PTPN12: variants seen among roughly 807,000 people sequenced by gnomAD.
PTPN12 encodes the protein protein tyrosine phosphatase non-receptor type 12.
PTPN12 carries 29 observed loss-of-function variants against 97.6 expected under a neutral mutation model. The observed-to-expected ratio is 0.30, with a 90% confidence interval of 0.22 to 0.41. The LOEUF is 0.41. Ranked by LOEUF, PTPN12 falls within the 10% of genes least tolerant of loss-of-function variation. The pLI is 1.00. For synonymous variants in PTPN12, 327 were observed against 300.4 expected, an observed-to-expected ratio of 1.09 and a Z score of -0.91; for missense variants, 819 against 926.0, an observed-to-expected ratio of 0.88 and a Z score of 1.50.
In PTPN12 at chr7:77,619,097, A is replaced by G. The variant is rs964368104; in HGVS notation, c.1025+532A>G. 5.9e-5 allele frequency among the ~76,000 whole-genome samples: 9 copies of G among 152,194 alleles called. 1 individual carries two copies. Among genetic ancestry groups the G allele is most frequent in the Admixed American group, 5.2e-4 (8 of 15,268 alleles). On this transcript the variant is annotated intron_variant, in intron 12 of 17. Coordinates refer to ENST00000248594, the MANE Select transcript of PTPN12 (RefSeq NM_002835.4). ...GGTAGTATGGAGAGAATACAGAGGCAGAAGAAGATAGTTTCAACTCCTTTT... is the reference window on the plus strand; with the variant it reads ...GGTAGTATGGAGAGAATACAGAGGCGGAAGAAGATAGTTTCAACTCCTTTT...
Position 77,627,300 on chromosome 7 carries a change from C to A in PTPN12, c.1621C>A (p.Pro541Thr). The A allele has an allele frequency of 6.2e-7, 1 of 1,614,138 alleles. No individual in the cohort carries two copies. Among genetic ancestry groups the A allele is most frequent in the Non-Finnish European group, 8.5e-7 (1 of 1,180,020 alleles). The change falls in exon 13 of 18, where the codon CCT (proline) becomes ACT (threonine). Residue 541 changes from proline (P) to threonine (T), a missense_variant. Physicochemically the swap from Pro to Thr is conservative, Grantham distance 38 (BLOSUM62 -1). Around this residue, in one of 5 missense-constraint regions of PTPN12, gnomAD observed 607 missense variants for 577.3 expected, o/e 1.05. Transcript: ENST00000248594. ...KGHVTWSFHGPENAIPIPDLS... is the reference protein window; with the variant it reads ...KGHVTWSFHGTENAIPIPDLS... ...ACATGTAACGTGGTCATTTCATGGA[C>A]CTGAAAATGCCATACCCATACCTGA...
At chr7:77,587,924 C>G (rs924306046) in intron 5 of PTPN12, among the ~76,000 whole-genome samples, 2 of 152,200 alleles carry the variant, frequency 1.3e-5, no homozygotes, top group African/African-American at 4.8e-5. Flanking sequence ...TTCTAACTTT[C>G]CTTCTGCAGC....
intron 2 of PTPN12, among the ~76,000 whole-genome samples, chr7:77,578,540 A>C (rs1024472830): frequency 1.3e-5 from 2 of 152,222 alleles, no homozygotes; most frequent in African/African-American, 4.8e-5. Context: ...AGACTTTTTT[A>C]AAAGTAAATT....
At chr7:77,560,141 T>C (rs754437600) in intron 1 of PTPN12, among the ~76,000 whole-genome samples, 8 of 152,238 alleles carry the variant, frequency 5.3e-5, no homozygotes, top group Non-Finnish European at 1.2e-4. Context: ...CTTTTTATTA[T>C]AAATCTCTGA....
rs536762401 is a variant in PTPN12 at position 77,630,313 on chromosome 7, C to G, written c.1997-2035C>G. Among the ~76,000 whole-genome samples, 8 of 152,224 alleles carry G rather than the reference C, an allele frequency of 5.3e-5. No individual in the cohort carries two copies. In the South Asian group the frequency reaches 1.5e-3, roughly 28 times the overall value. The stretch of plus-strand genomic sequence containing the variant: ...TTTGGGGGGTTTTTTGGTCCTAGAA[C>G]TTGTTAGTGAATTACAGTCACACAT... On this transcript the variant is annotated intron_variant, in intron 13 of 17. Coordinates refer to ENST00000248594, the MANE Select transcript of PTPN12 (RefSeq NM_002835.4).
Position 77,626,969 on chromosome 7 carries a change from G to C in PTPN12, c.1290G>C (p.Leu430Phe), listed in dbSNP as rs1417513285. ...CAATTGAACAGATAGATAAAAAATT[G>C]GAACGAAATTTAAGTTTTGAGATTA... The part of the protein sequence containing the change: ...ESTIEQIDKK[L>F]ERNLSFEIKK... The change falls in exon 13 of 18, where the codon TTG (leucine) becomes TTC (phenylalanine). Residue 430 changes from leucine to phenylalanine, a missense_variant. Leu to Phe is a conservative substitution (Grantham distance 22). Coordinates refer to ENST00000248594, the MANE Select transcript of PTPN12 (RefSeq NM_002835.4). 3.1e-6 allele frequency: 5 copies of C among 1,609,740 alleles called. No homozygotes were observed. Among genetic ancestry groups the C allele is most frequent in the Admixed American group, 3.4e-5 (2 of 58,546 alleles).
At chr7:77,551,790 T>C (rs564843250) in intron 1 of PTPN12, among the ~76,000 whole-genome samples, 91 of 152,348 alleles carry the variant, frequency 6.0e-4, no homozygotes, top group Non-Finnish European at 9.4e-4. Context: ...CAAACTGATA[T>C]CTTATACTTC....
intron 1 of PTPN12, among the ~76,000 whole-genome samples, chr7:77,560,190 A>C (rs955276473): frequency 2.0e-5 from 3 of 152,192 alleles, no homozygotes; most frequent in African/African-American, 4.8e-5. Context: ...TTTTTTGGGA[A>C]TATCATAACA....
chr7:77,612,693 C>T (rs1788609531), intron 11 of PTPN12, among the ~76,000 whole-genome samples: 1 of 152,174 alleles, frequency 6.6e-6, no homozygotes, highest in South Asian at 2.1e-4. Flanking sequence ...CTGCCTCAGC[C>T]TCCCAAGTGC....
rs1340593383 is a variant in PTPN12 at position 77,581,497 on chromosome 7, T to G, written c.279T>G (p.Phe93Leu). 3 of 1,569,484 alleles carry G rather than the reference T, an allele frequency of 1.9e-6. No homozygotes were observed. The highest frequency in any genetic ancestry group is 1.7e-6 in the Non-Finnish European group (2 of 1,143,296). ...ATTCAGACTATATCAATGCAAATTT[T>G]ATAAAGGTATGTACTAACTTTAAAT... Reference protein sequence around the residue: ...SQDSDYINANFIKGVYGPKAY... With the variant: ...SQDSDYINANLIKGVYGPKAY... The change falls in exon 3 of 18, where the codon TTT becomes TTG. Residue 93 changes from phenylalanine to leucine, a missense_variant. Phe to Leu is a conservative substitution (Grantham distance 22, BLOSUM62 0). This residue lies in a region of PTPN12 where 66 missense variants were observed against 133.6 expected (regional missense o/e 0.49). Coordinates refer to ENST00000248594, the MANE Select transcript of PTPN12 (RefSeq NM_002835.4).
intron 2 of PTPN12, 88 bp from the exon 3 acceptor site, chr7:77,581,339 C>A: frequency 1.3e-6 from 1 of 775,398 alleles, no homozygotes; most frequent in South Asian, 1.9e-5. Context: ...AATAAATGTT[C>A]TTAAGCTGTC....
chr7:77,604,208 C>CA (rs1788280280), intron 8 of PTPN12, among the ~76,000 whole-genome samples: 2 of 61,810 alleles, frequency 3.2e-5, no homozygotes, highest in South Asian at 1.1e-3. Flanking sequence ...TTTTTTTCTT[C>CA]CTTTTTTTTT....
intron 1 of PTPN12, among the ~76,000 whole-genome samples, chr7:77,565,741 G>A (rs1245548640): frequency 6.6e-6 from 1 of 152,330 alleles, no homozygotes; most frequent in East Asian, 1.9e-4. Context: ...TACAAATTTA[G>A]TGTTTTAGGA....
At chr7:77,554,046 A>G (rs1807593568) in intron 1 of PTPN12, among the ~76,000 whole-genome samples, 1 of 151,922 alleles carries the variant, frequency 6.6e-6, no homozygotes, top group Admixed American at 6.6e-5. Flanking sequence ...GCTCACTGTA[A>G]CCTCAAACTT....
intron 8 of PTPN12, chr7:77,604,849 A>G: frequency 2.3e-6 from 1 of 427,622 alleles, no homozygotes; most frequent in Non-Finnish European, 4.8e-6. Flanking sequence ...GTATGTGATC[A>G]GAATTTAATT....
intron 5 of PTPN12, among the ~76,000 whole-genome samples, chr7:77,588,902 C>G (rs1348839072): frequency 6.6e-6 from 1 of 152,062 alleles, no homozygotes; most frequent in Non-Finnish European, 1.5e-5. Flanking sequence ...AGACAGAATC[C>G]TGCTGTGTCA....
intron 1 of PTPN12, among the ~76,000 whole-genome samples, chr7:77,539,833 A>G (rs1013200346): frequency 7.2e-5 from 11 of 152,086 alleles, no homozygotes; most frequent in Non-Finnish European, 1.2e-4. Context: ...GGCGCAAGCT[A>G]CCACGCCCTG....
In PTPN12 at chr7:77,537,483, G is replaced by A; in HGVS notation, c.-64G>A. 6.7e-7 allele frequency: 1 copy of A among 1,499,064 alleles called. No individual in the cohort carries two copies. The highest frequency in any genetic ancestry group is 8.9e-7 in the Non-Finnish European group (1 of 1,123,230). The allele number at this position is 1,499,064 out of a possible 1,614,324, so 92.9% of individuals were successfully genotyped here. A position where few individuals can be genotyped will look rare whatever the true frequency, so the allele number is the denominator to read the frequency against. On this transcript the variant is annotated 5_prime_UTR_variant, in exon 1 of 18. Coordinates refer to ENST00000248594, the MANE Select transcript of PTPN12 (RefSeq NM_002835.4). ...GGAACGAGCTGGGGAAGACGGAGCG[G>A]GCTCTGTGCCGGGCGGGCGGGCGGC...
intron 16 of PTPN12, 104 bp from the exon 17 acceptor site, chr7:77,638,520 A>T (rs1789685202): frequency 1.5e-6 from 2 of 1,335,334 alleles, no homozygotes; most frequent in East Asian, 5.8e-5. Flanking sequence ...CAGGAGAGAA[A>T]GTTTTCTCTT....
Sources: allele counts gnomAD v4.1 joint callset (sites outside exome capture counted in the v4.1 genomes callset), GRCh38; gene constraint gnomAD v4.1.1; regional missense constraint gnomAD v4.1.1; transcripts MANE v1.5; gene names NCBI Gene and HGNC (gene_info 2026-07-23, HGNC 2026-07-21).